Variants in FYCO1 observed in about 807,000 individuals in gnomAD.
FYCO1 encodes FYVE and coiled-coil domain-containing protein 1.
A neutral mutation model predicts 165.1 loss-of-function variants in FYCO1; 122 were observed. The ratio of observed to expected loss-of-function variants is 0.74; its 90% CI spans 0.64 to 0.86. FYCO1 has a LOEUF of 0.86. Ranked by LOEUF, FYCO1 falls within the 40% of genes least tolerant of loss-of-function variation. The pLI, the probability that FYCO1 is intolerant of heterozygous loss-of-function variation, is 0.00. For synonymous variants in FYCO1, 648 were observed against 742.5 expected (o/e 0.87, Z 2.07); for missense variants, 1,702 against 1,810.3 (o/e 0.94, Z 1.09).
chr3:45,987,267 T>TG (rs1167430544), intron 1 of FYCO1, among the ~76,000 whole-genome samples: 1 of 152,104 alleles, frequency 6.6e-6, no homozygotes, highest in East Asian at 1.9e-4. Context: ...CAGGAAAATA[T>TG]GGGGGGCAAT....
chr3:45,990,937 A>G (rs963644365), intron 1 of FYCO1, among the ~76,000 whole-genome samples: 2 of 151,636 alleles, frequency 1.3e-5, no homozygotes, highest in African/African-American at 4.8e-5. Context: ...CACGACTGGC[A>G]ATTTTTTTTT....
intron 16 of FYCO1, among the ~76,000 whole-genome samples, chr3:45,925,998 G>A (rs932777778): frequency 1.3e-5 from 2 of 152,112 alleles, no homozygotes; most frequent in African/African-American, 4.8e-5. Flanking sequence ...CATATGAAAG[G>A]ACAGTTTTCA....
chr3:45,939,298 G>C (rs566790249), intron 14 of FYCO1, among the ~76,000 whole-genome samples: 2 of 152,334 alleles, frequency 1.3e-5, no homozygotes, highest in African/African-American at 4.8e-5. Flanking sequence ...GTTTTCTTCT[G>C]TCCCAAATGC....
intron 14 of FYCO1, chr3:45,946,831 T>C: frequency 1.2e-6 from 2 of 1,614,254 alleles, no homozygotes; most frequent in Non-Finnish European, 1.7e-6. Flanking sequence ...TACACGTCCA[T>C]GCTCATCCTC....
In FYCO1 at chr3:45,972,957, T is replaced by C; in HGVS notation, c.539+131A>G. On this transcript the variant is annotated intron_variant, in intron 6 of 17. Coordinates refer to ENST00000296137, the MANE Select transcript of FYCO1 (RefSeq NM_024513.4). The stretch of plus-strand genomic sequence containing the variant: ...ATTCAACAAAGTCTGTAAAAGGAGC[T>C]GGAATAAGAGTTGAACAGGTTTGTG... 3.3e-6 allele frequency: 3 copies of C among 916,412 alleles called. No homozygotes were observed. In the South Asian group the frequency reaches 4.2e-5, roughly 13 times the overall value. 56.8% of individuals were successfully genotyped at this position (916,412 alleles called of 1,614,324 possible). A position where few individuals can be genotyped will look rare whatever the true frequency, so the allele number is the denominator to read the frequency against.
intron 13 of FYCO1, 86 bp from the exon 14 acceptor site, chr3:45,955,479 A>T: frequency 6.8e-7 from 1 of 1,473,898 alleles, no homozygotes; most frequent in Non-Finnish European, 9.4e-7. Flanking sequence ...AAAGTGAGAG[A>T]GTGCAGCTAT....
At chr3:45,986,049 T>G (rs1707299465) in intron 1 of FYCO1, among the ~76,000 whole-genome samples, 1 of 152,178 alleles carries the variant, frequency 6.6e-6, no homozygotes, top group Non-Finnish European at 1.5e-5. Flanking sequence ...ATTCTCACAA[T>G]CACCCTGGTG....
At chr3:45,990,263 T>A (rs1236939950) in intron 1 of FYCO1, among the ~76,000 whole-genome samples, 3 of 152,164 alleles carry the variant, frequency 2.0e-5, no homozygotes, top group African/African-American at 7.2e-5. Flanking sequence ...GGCAGCACGA[T>A]TAAGAGGCAA....
At position 45,972,880 on chromosome 3, in the gene FYCO1, G is replaced by T. The variant is rs571097342; in HGVS notation, c.539+208C>A. Among the ~76,000 whole-genome samples the T allele has an allele frequency of 6.6e-5, 10 of 152,304 alleles. No homozygotes were observed. In the South Asian group the frequency reaches 1.9e-3, roughly 28 times the overall value. Reference sequence around the variant, plus strand: ...CACATCTCCACTGACTCATGCCCTGGCCAGTTAAGTTGGTTTAAGGTTGGA... The same window carrying T: ...CACATCTCCACTGACTCATGCCCTGTCCAGTTAAGTTGGTTTAAGGTTGGA... On this transcript the variant is annotated intron_variant, in intron 6 of 17. Transcript: ENST00000296137.
At position 45,966,545 on chromosome 3, in the gene FYCO1, A is replaced by G. The variant is rs758648923; in HGVS notation, c.2789T>C (p.Val930Ala). ...ERVEEALACA[V>A]QELQDAKEAA... Reference sequence around the variant, plus strand: ...CTCTTTGGCGTCCTGGAGCTCCTGGACAGCACAGGCCAGTGCCTCCTCCAC... The same window carrying G: ...CTCTTTGGCGTCCTGGAGCTCCTGGGCAGCACAGGCCAGTGCCTCCTCCAC... The change falls in exon 8 of 18, where the codon GTC becomes GCC. Residue 930 changes from valine (V) to alanine (A), a missense_variant. By Grantham distance (64) the Val-to-Ala change is moderately conservative. Coordinates refer to ENST00000296137, the MANE Select transcript of FYCO1 (RefSeq NM_024513.4). 1 of 1,614,160 alleles carries G rather than the reference A, an allele frequency of 6.2e-7. No individual in the cohort carries two copies. The highest frequency in any genetic ancestry group is 1.7e-5 in the Admixed American group (1 of 60,030).
intron 17 of FYCO1, among the ~76,000 whole-genome samples, chr3:45,922,068 C>G (rs1703115187): frequency 1.3e-5 from 2 of 152,172 alleles, no homozygotes; most frequent in Non-Finnish European, 2.9e-5. Context: ...CAGAAATGCC[C>G]TTTTGATCAC....
chr3:45,956,538 C>T (rs974500285), intron 13 of FYCO1, among the ~76,000 whole-genome samples: 1 of 151,788 alleles, frequency 6.6e-6, no homozygotes, highest in South Asian at 2.1e-4. Context: ...CACATGACCA[C>T]TAAGGCAGGC....
chr3:45,921,863 G>A (rs1379662636), intron 17 of FYCO1, 23 bp from the exon 18 acceptor site: 2 of 1,538,568 alleles, frequency 1.3e-6, no homozygotes, highest in Admixed American at 1.7e-5. Flanking sequence ...AAATGGAAAG[G>A]GAGGGTGTTA....
intron 11 of FYCO1, 85 bp from the exon 12 acceptor site, chr3:45,959,627 T>A: frequency 7.1e-7 from 1 of 1,406,996 alleles, no homozygotes; most frequent in Non-Finnish European, 9.9e-7. Flanking sequence ...AAGACTGGTA[T>A]CAAATTTCCT....
rs749402338 is a variant in FYCO1 at position 45,966,280 on chromosome 3, A to C, written c.3054T>G (p.Leu1018=). The part of the protein sequence containing the change: ...SAEIMDYQSR[L]KNAGEECKSL... ...AAGTGGTTGAAGCTAGGATTACCTTAAGTCTGCTCTGGTAGTCCATGATTT... is the reference window on the plus strand; with the variant it reads ...AAGTGGTTGAAGCTAGGATTACCTTCAGTCTGCTCTGGTAGTCCATGATTT... The change falls in exon 8 of 18, where the codon CTT becomes CTG. Residue 1018 remains leucine (L), a synonymous_variant. Transcript: ENST00000296137. The C allele has an allele frequency of 6.2e-7, 1 of 1,613,864 alleles. No individual in the cohort carries two copies. Among genetic ancestry groups the C allele is most frequent in the East Asian group, 2.2e-5 (1 of 44,882 alleles).
Position 45,966,475 on chromosome 3 carries a change from C to A in FYCO1, c.2859G>T (p.Gly953=). ...EREGLERQVA[G]LQQEKESLQE... is the part of the protein sequence containing the mutation. ...GCAAGCTCTCCTTCTCTTGCTGCAG[C>A]CCAGCTACTTGGCGCTCCAGGCCCT... The change falls in exon 8 of 18, where the codon GGG becomes GGT. Residue 953 remains glycine, a synonymous_variant. Coordinates refer to ENST00000296137, the MANE Select transcript of FYCO1 (RefSeq NM_024513.4). 1 of 1,610,376 alleles carries A rather than the reference C, an allele frequency of 6.2e-7. No individual in the cohort carries two copies. Among genetic ancestry groups the A allele is most frequent in the Non-Finnish European group, 8.5e-7 (1 of 1,176,996 alleles).
At position 45,993,169 on chromosome 3, in the gene FYCO1, T is replaced by A. The variant is rs567626442; in HGVS notation, c.-113+2553A>T. Among the ~76,000 whole-genome samples, 1 of 152,298 alleles carries A rather than the reference T, an allele frequency of 6.6e-6. No individual in the cohort carries two copies. The highest frequency in any genetic ancestry group is 2.4e-5 in the African/African-American group (1 of 41,554). Reference sequence around the variant, plus strand: ...ATCCTCCAAATGGCATCCGGCCTAATGAGAAACAGGCCCTTGGTGCCTTTC... The same window carrying A: ...ATCCTCCAAATGGCATCCGGCCTAAAGAGAAACAGGCCCTTGGTGCCTTTC... On this transcript the variant is annotated intron_variant, in intron 1 of 17. Coordinates refer to ENST00000296137, the MANE Select transcript of FYCO1 (RefSeq NM_024513.4). The surrounding 1 kb of genome is among the most constrained non-coding windows in gnomAD (Gnocchi z 4.4).
In FYCO1 at chr3:45,921,871, T is replaced by A. The variant is rs371023528; in HGVS notation, c.4362-31A>T. 8 of 1,474,794 alleles carry A rather than the reference T, an allele frequency of 5.4e-6. No homozygotes were observed. The African/African-American group carries it at 8.3e-5, about 15-fold the overall frequency. 91.4% of individuals were successfully genotyped at this position (1,474,794 alleles called of 1,614,324 possible). On this transcript the variant is annotated intron_variant, in intron 17 of 17. Transcript: ENST00000296137. Reference sequence around the variant, plus strand: ...GAAACAGAAATGGAAAGGGAGGGTGTTACCTGAGAGCTGAAAGTCCGAGGG... The same window carrying A: ...GAAACAGAAATGGAAAGGGAGGGTGATACCTGAGAGCTGAAAGTCCGAGGG...
chr3:45,935,213 G>A (rs188203305), intron 15 of FYCO1, among the ~76,000 whole-genome samples: 91 of 152,288 alleles, frequency 6.0e-4, no homozygotes, highest in African/African-American at 2.0e-3. Context: ...CAAGGAACAA[G>A]GATTCCTCTA....
Sources: allele counts gnomAD v4.1 joint callset (sites outside exome capture counted in the v4.1 genomes callset), GRCh38; gene constraint gnomAD v4.1.1; non-coding constraint Gnocchi (gnomAD v3.1); transcripts MANE v1.5; gene names NCBI Gene and HGNC (gene_info 2026-07-23, HGNC 2026-07-21).